The following ARRB1 variants were observed in gnomAD, a reference collection of about 807,000 sequenced individuals.
ARRB1 encodes arrestin beta 1, also known as beta-arrestin-1.
Under a neutral mutation model 56.8 loss-of-function variants are expected in ARRB1, and 21 were observed. The observed-to-expected ratio is 0.37, with a 90% CI of 0.26 to 0.53. The LOEUF (loss-of-function observed/expected upper bound fraction) is 0.53, where lower values mean the gene tolerates loss of function less well. Ranked by LOEUF, ARRB1 falls within the 20% of genes least tolerant of loss-of-function variation. ARRB1 has a pLI of 0.88. For missense variants in ARRB1, 424 were observed against 553.7 expected (o/e 0.77, Z 2.35); for synonymous variants, 210 against 218.6 (o/e 0.96, Z 0.35).
At chr11:75,323,536 C>T (rs1591975713) in intron 1 of ARRB1, among the ~76,000 whole-genome samples, 2 of 152,194 alleles carry the variant, frequency 1.3e-5, no homozygotes, top group African/African-American at 4.8e-5. Context: ...ATGAGAATTG[C>T]TTGAACCCAG....
In ARRB1 at chr11:75,303,688, C is replaced by T. The variant is rs1334375821; in HGVS notation, c.21-13649G>A. 6 of 456,260 alleles carry T rather than the reference C, an allele frequency of 1.3e-5. No homozygotes were observed. In the Admixed American group the frequency reaches 1.4e-4, roughly 11 times the overall value. The allele number at this position is 456,260 out of a possible 1,614,324, so 28.3% of individuals were successfully genotyped here. ...GCAGACACTCAGTGAACAAGCAAGC[C>T]CTCCCTCAAAAGCACAGTGGGAGGG... On this transcript the variant is annotated intron_variant, in intron 1 of 15. Coordinates refer to ENST00000420843, the MANE Select transcript of ARRB1 (RefSeq NM_004041.5).
intron 3 of ARRB1, among the ~76,000 whole-genome samples, chr11:75,285,927 C>T (rs1946458248): frequency 6.6e-6 from 1 of 152,226 alleles, no homozygotes; most frequent in Admixed American, 6.5e-5. Flanking sequence ...ACCAGGATGC[C>T]TGCTCCCGGC....
chr11:75,314,327 C>G (rs1006588802), intron 1 of ARRB1, among the ~76,000 whole-genome samples: 5 of 152,260 alleles, frequency 3.3e-5, no homozygotes, highest in African/African-American at 1.2e-4. Context: ...GTAAAGATAA[C>G]AGCAGACTGG....
intron 1 of ARRB1, among the ~76,000 whole-genome samples, chr11:75,319,321 C>T (rs1174714702): frequency 6.6e-6 from 1 of 152,214 alleles, no homozygotes; most frequent in African/African-American, 2.4e-5. Flanking sequence ...GCCCGCAGCA[C>T]AGAGACCCGG....
In ARRB1 at chr11:75,335,183, T is replaced by C. The variant is rs72561778; in HGVS notation, c.20+16405A>G. 2.0e-3 allele frequency: 476 copies of C among 242,316 alleles called. 2 individuals carry two copies. The highest frequency in any genetic ancestry group is 0.01 in the African/African-American group (453 of 43,184). The allele number at this position is 242,316 out of a possible 1,614,324, so 15.0% of individuals were successfully genotyped here. A position where few individuals can be genotyped will look rare whatever the true frequency, so the allele number is the denominator to read the frequency against. On this transcript the variant is annotated intron_variant, in intron 1 of 15. Coordinates refer to ENST00000420843, the MANE Select transcript of ARRB1 (RefSeq NM_004041.5). Reference sequence around the variant, plus strand: ...CCCTGCCTCCAGCCCAACAGACAGATGAGGCTCCGGAAGACATTCCTTCTT... The same window carrying C: ...CCCTGCCTCCAGCCCAACAGACAGACGAGGCTCCGGAAGACATTCCTTCTT...
At chr11:75,300,128 CAGGAGGCG>C (rs1946863365) in intron 1 of ARRB1, among the ~76,000 whole-genome samples, 1 of 149,460 alleles carries the variant, frequency 6.7e-6, no homozygotes, top group African/African-American at 2.5e-5. Context: ...ACACTGAACC[CAGGAGGCG>C]AGGTTGCAGT....
Position 75,265,208 on chromosome 11 carries a change from C to T in ARRB1, c.*955G>A, listed in dbSNP as rs1945882201. The T allele has an allele frequency of 6.6e-6, 1 of 152,424 alleles. No homozygotes were observed. The highest frequency in any genetic ancestry group is 1.5e-5 in the Non-Finnish European group (1 of 68,232). The allele number at this position is 152,424 out of a possible 1,614,324, so 9.4% of individuals were successfully genotyped here. A position where few individuals can be genotyped will look rare whatever the true frequency, so the allele number is the denominator to read the frequency against. Reference sequence around the variant, plus strand: ...CCTCGGCCCCCGCTGGACACCCATCCTCACTTCCTGCATGACCATGTGAAG... The same window carrying T: ...CCTCGGCCCCCGCTGGACACCCATCTTCACTTCCTGCATGACCATGTGAAG... On this transcript the variant is annotated 3_prime_UTR_variant, in exon 16 of 16. Transcript: ENST00000420843.
chr11:75,268,817 C>A, intron 14 of ARRB1, 72 bp downstream of exon 14: 1 of 1,526,670 alleles, frequency 6.6e-7, no homozygotes, highest in Non-Finnish European at 8.9e-7. Flanking sequence ...GAACCCGGGG[C>A]GGGGTGGGTT....
chr11:75,338,466 G>A (rs528952752), intron 1 of ARRB1, among the ~76,000 whole-genome samples: 199 of 151,446 alleles, frequency 1.3e-3, no homozygotes, highest in Non-Finnish European at 2.3e-3. Flanking sequence ...TCTTCTCCAG[G>A]GAGCTCAGCA....
chr11:75,263,602 G>A lies in ARRB1; in HGVS notation c.*2561C>T, dbSNP rs1389274988. On this transcript the variant is annotated 3_prime_UTR_variant, in exon 16 of 16. Coordinates refer to ENST00000420843, the MANE Select transcript of ARRB1 (RefSeq NM_004041.5). ...TCCCTACAACGTTTCCCTGACCATG[G>A]GCTTCCTGAGGACAGGGGCTGGGAC... Among the ~76,000 whole-genome samples the A allele has an allele frequency of 6.6e-6, 1 of 152,186 alleles. No homozygotes were observed.
chr11:75,342,634 C>G (rs1947707907), intron 1 of ARRB1, among the ~76,000 whole-genome samples: 1 of 152,178 alleles, frequency 6.6e-6, no homozygotes, highest in Non-Finnish European at 1.5e-5. Context: ...GGAGGGACTC[C>G]CTACTCTCCC....
intron 1 of ARRB1, chr11:75,303,730 T>C (rs1946958916): frequency 2.2e-6 from 1 of 455,932 alleles, no homozygotes; most frequent in Non-Finnish European, 4.4e-6. Flanking sequence ...GAGGTGCATG[T>C]GTGATGTGCC....
At chr11:75,289,351 G>T (rs1458716667) in intron 2 of ARRB1, among the ~76,000 whole-genome samples, 2 of 152,252 alleles carry the variant, frequency 1.3e-5, no homozygotes, top group South Asian at 4.1e-4. Flanking sequence ...AGAAGCTGCC[G>T]CTGCCCACCA....
chr11:75,289,910 T>A lies in ARRB1; in HGVS notation c.51+99A>T, dbSNP rs1946564948. ...CAGCACCTGCCCCCTCCCACAGAGG[T>A]GTGCATTTCAGGGGACATGCCGTTT... On this transcript the variant is annotated intron_variant, in intron 2 of 15. Transcript: ENST00000420843. The A allele has an allele frequency of 7.8e-6, 12 of 1,540,204 alleles. 1 individual carries two copies. The South Asian group carries it at 1.3e-4, about 17-fold the overall frequency.
chr11:75,276,810 C>A, intron 10 of ARRB1, 29 bp downstream of exon 10: 1 of 1,610,908 alleles, frequency 6.2e-7, no homozygotes, highest in Non-Finnish European at 8.5e-7. Context: ...CAATCCCATA[C>A]GCCCAAGGCC....
At chr11:75,327,448 C>T (rs982817784) in intron 1 of ARRB1, among the ~76,000 whole-genome samples, 7 of 151,868 alleles carry the variant, frequency 4.6e-5, no homozygotes, top group African/African-American at 7.2e-5. Context: ...ATTACAGGTG[C>T]GAACCACATC....
chr11:75,294,763 A>G (rs376699998), intron 1 of ARRB1, among the ~76,000 whole-genome samples: 28 of 152,224 alleles, frequency 1.8e-4, no homozygotes, highest in Middle Eastern at 3.4e-3. Context: ...CTCTGGTCCT[A>G]TGAAGTTAGG....
At chr11:75,274,268 T>C (rs1369604968) in intron 10 of ARRB1, 57 bp from the exon 11 acceptor site, 14 of 1,596,728 alleles carry the variant, frequency 8.8e-6, no homozygotes, top group Non-Finnish European at 1.2e-5. Context: ...ACCCCAGCCC[T>C]GATCTCCAGC....
At chr11:75,309,728 G>A (rs1947116170) in intron 1 of ARRB1, among the ~76,000 whole-genome samples, 1 of 152,160 alleles carries the variant, frequency 6.6e-6, no homozygotes, top group Admixed American at 6.5e-5. Context: ...CTGATATTAG[G>A]ACAAGGCTGA....
Sources: allele counts gnomAD v4.1 joint callset (sites outside exome capture counted in the v4.1 genomes callset), GRCh38; gene constraint gnomAD v4.1.1; transcripts MANE v1.5; gene names NCBI Gene and HGNC (gene_info 2026-07-23, HGNC 2026-07-21).